The following ST6GALNAC5 variants were observed in gnomAD, a reference collection of about 807,000 sequenced individuals.
ST6GALNAC5 encodes the protein ST6 N-acetylgalactosaminide alpha-2,6-sialyltransferase 5, also known as alpha-N-acetylgalactosaminide alpha-2,6-sialyltransferase 5.
In ST6GALNAC5, 27 loss-of-function variants were observed where a neutral mutation model predicts 33.6. The ratio of observed to expected loss-of-function variants is 0.80; its 90% CI spans 0.59 to 1.11. The LOEUF (loss-of-function observed/expected upper bound fraction) is 1.11, where lower values mean the gene tolerates loss of function less well. Ranked by LOEUF, ST6GALNAC5 falls within the 50% of genes least tolerant of loss-of-function variation. ST6GALNAC5 has a pLI of 0.00. For missense variants in ST6GALNAC5, 428 were observed against 454.0 expected, an observed-to-expected ratio of 0.94 and a Z score of 0.52; for synonymous variants, 194 against 171.2, an observed-to-expected ratio of 1.13 and a Z score of -1.04.
At chr1:76,934,848 G>C (rs1355558941) in intron 2 of ST6GALNAC5, among the ~76,000 whole-genome samples, 3 of 152,022 alleles carry the variant, frequency 2.0e-5, no homozygotes, top group African/African-American at 7.2e-5. Context: ...CCTCTGTTGG[G>C]TCTTCAATGA....
At chr1:77,015,574 G>A (rs772665526) in intron 2 of ST6GALNAC5, among the ~76,000 whole-genome samples, 17 of 152,120 alleles carry the variant, frequency 1.1e-4, no homozygotes, top group African/African-American at 3.4e-4. Flanking sequence ...AGAGCTAGTA[G>A]TCTAGTGGAG....
intron 2 of ST6GALNAC5, among the ~76,000 whole-genome samples, chr1:76,906,222 C>G (rs1646863115): frequency 6.6e-6 from 1 of 151,946 alleles, no homozygotes; most frequent in African/African-American, 2.4e-5. Context: ...AGTTAAAGGC[C>G]CTTTCGAGAT....
rs1438421440 is a variant in ST6GALNAC5, at chr1:77,057,848, G to A, written c.780-5127G>A. ...GAAGTGTCTTCCCTTGCTTGTTAGGGTTATGAGGTTTTTTTCAGTTGTAAA... is the reference window on the plus strand; with the variant it reads ...GAAGTGTCTTCCCTTGCTTGTTAGGATTATGAGGTTTTTTTCAGTTGTAAA... On this transcript the variant is annotated intron_variant, in intron 4 of 4. Coordinates refer to ENST00000477717, the MANE Select transcript of ST6GALNAC5 (RefSeq NM_030965.3). Among the ~76,000 whole-genome samples the A allele has an allele frequency of 5.3e-5, 8 of 152,272 alleles. No homozygotes were observed. The East Asian group carries it at 1.4e-3, about 26-fold the overall frequency.
chr1:76,957,922 T>C (rs1308402099), intron 2 of ST6GALNAC5, among the ~76,000 whole-genome samples: 1 of 152,160 alleles, frequency 6.6e-6, no homozygotes, highest in Non-Finnish European at 1.5e-5. Flanking sequence ...TCCTTTTAGC[T>C]AGAAGGATAC....
At chr1:77,056,280 C>T (rs573657634) in intron 4 of ST6GALNAC5, among the ~76,000 whole-genome samples, 32 of 152,270 alleles carry the variant, frequency 2.1e-4, no homozygotes, top group Admixed American at 8.5e-4. Context: ...GATCTGTTGT[C>T]GTTGCTTTCC....
intron 2 of ST6GALNAC5, among the ~76,000 whole-genome samples, chr1:76,872,067 TAACA>T (rs1653517506): frequency 1.0e-5 from 1 of 96,526 alleles, no homozygotes; most frequent in Non-Finnish European, 2.1e-5. Flanking sequence ...ATAACCAAGC[TAACA>T]CACACACACA....
In ST6GALNAC5 at chr1:76,867,532, G is replaced by A. The variant is rs1257289056; in HGVS notation, c.-144G>A. On this transcript the variant is annotated 5_prime_UTR_variant, in exon 1 of 5. Transcript: ENST00000477717. The stretch of plus-strand genomic sequence containing the variant: ...AACAGCCGCGCTTCCCGGGTCCCGC[G>A]GCTCCCGCGCGCGATCTGCCGCGGC... 5 of 1,292,406 alleles carry A rather than the reference G, an allele frequency of 3.9e-6. No individual in the cohort carries two copies. The highest frequency in any genetic ancestry group is 5.6e-6 in the Non-Finnish European group (5 of 891,050). 80.1% of individuals were successfully genotyped at this position (1,292,406 alleles called of 1,614,324 possible).
intron 2 of ST6GALNAC5, among the ~76,000 whole-genome samples, chr1:76,937,365 AG>A (rs1647220526): frequency 6.6e-6 from 1 of 152,070 alleles, no homozygotes; most frequent in African/African-American, 2.4e-5. Context: ...CAAAACTCAT[AG>A]ATGTGTAAGC....
chr1:77,040,933 T>G (rs1361943930), intron 2 of ST6GALNAC5, among the ~76,000 whole-genome samples: 1 of 152,214 alleles, frequency 6.6e-6, no homozygotes, highest in Non-Finnish European at 1.5e-5. Context: ...ATCAATGTTG[T>G]CTGGCCACAA....
chr1:76,896,776 G>T (rs1439114969), intron 2 of ST6GALNAC5, among the ~76,000 whole-genome samples: 1 of 152,158 alleles, frequency 6.6e-6, no homozygotes, highest in Non-Finnish European at 1.5e-5. Context: ...GATTTTGGAA[G>T]TTATGAGAAA....
intron 2 of ST6GALNAC5, among the ~76,000 whole-genome samples, chr1:76,989,631 C>G (rs1570743661): frequency 6.6e-6 from 1 of 152,062 alleles, no homozygotes; most frequent in East Asian, 1.9e-4. Flanking sequence ...TTTCTTGAGG[C>G]AGGACCAGGT....
chr1:77,044,565 A>G lies in ST6GALNAC5; in HGVS notation c.623A>G (p.Lys208Arg), dbSNP rs1242759233. The G allele has an allele frequency of 5.0e-6, 8 of 1,587,926 alleles. No individual in the cohort carries two copies. The highest frequency in any genetic ancestry group is 1.3e-5 in the African/African-American group (1 of 74,326). ...AAGGCCTTCATGATTACTCGCCACA[A>G]GATGCTGCAGTTTGATGAGCTCTTC... ...RLKAFMITRH[K>R]MLQFDELFKQ... The change falls in exon 3 of 5, where the codon AAG becomes AGG. Residue 208 changes from lysine to arginine, a missense_variant. Lys to Arg is a conservative substitution (Grantham distance 26). Coordinates refer to ENST00000477717, the MANE Select transcript of ST6GALNAC5 (RefSeq NM_030965.3).
At chr1:76,925,875 G>T (rs1647080994) in intron 2 of ST6GALNAC5, among the ~76,000 whole-genome samples, 1 of 152,120 alleles carries the variant, frequency 6.6e-6, no homozygotes, top group Admixed American at 6.5e-5. Context: ...AGATGGCTAG[G>T]ACCTAGAAGG....
At chr1:77,049,934 G>A (rs528919443) in intron 3 of ST6GALNAC5, among the ~76,000 whole-genome samples, 1 of 152,254 alleles carries the variant, frequency 6.6e-6, no homozygotes. Context: ...GTTAAACGGG[G>A]GCTGTCATAA....
intron 2 of ST6GALNAC5, among the ~76,000 whole-genome samples, chr1:77,013,404 G>A (rs1353045961): frequency 6.6e-6 from 1 of 152,184 alleles, no homozygotes; most frequent in Non-Finnish European, 1.5e-5. Context: ...ATCAGGCATG[G>A]GGCTAAAGGC....
intron 2 of ST6GALNAC5, among the ~76,000 whole-genome samples, chr1:76,981,077 A>G (rs543820350): frequency 5.3e-5 from 8 of 152,208 alleles, no homozygotes; most frequent in Non-Finnish European, 1.0e-4. Flanking sequence ...CGTGATCAAC[A>G]CAGAAGACAG....
chr1:77,042,896 G>A (rs538684403), intron 2 of ST6GALNAC5, among the ~76,000 whole-genome samples: 106 of 152,280 alleles, frequency 7.0e-4, no homozygotes, highest in Non-Finnish European at 1.4e-3. Flanking sequence ...CCCACAGCTA[G>A]TAGGTGGTGG....
At chr1:76,950,281 C>T (rs1260818280) in intron 2 of ST6GALNAC5, among the ~76,000 whole-genome samples, 2 of 152,088 alleles carry the variant, frequency 1.3e-5, no homozygotes, top group African/African-American at 4.8e-5. Flanking sequence ...GTATCAAGAA[C>T]AGTGACATGA....
At chr1:76,969,685 C>T (rs1648658084) in intron 2 of ST6GALNAC5, among the ~76,000 whole-genome samples, 1 of 152,166 alleles carries the variant, frequency 6.6e-6, no homozygotes. Context: ...GTTCTCCCAG[C>T]ATGGTGTTTG....
Sources: gnomAD v4.1 joint callset for allele counts (sites outside exome capture counted in the v4.1 genomes callset) on GRCh38, gnomAD v4.1.1 for gene constraint, MANE v1.5 for transcripts, NCBI Gene and HGNC (gene_info 2026-07-23, HGNC 2026-07-21) for gene names.